The following BAIAP2L1 variants were observed in gnomAD, a reference collection of about 807,000 sequenced individuals.
BAIAP2L1 encodes BAR/IMD domain containing adaptor protein 2 like 1.
A neutral mutation model predicts 66.3 loss-of-function variants in BAIAP2L1; 35 were observed. That is an observed-to-expected ratio of 0.53 (90% CI 0.40 to 0.70). BAIAP2L1 has a LOEUF of 0.70. Ranked by LOEUF, BAIAP2L1 falls within the 30% of genes least tolerant of loss-of-function variation. The pLI is 0.00. For synonymous variants in BAIAP2L1, 269 were observed against 248.7 expected, an observed-to-expected ratio of 1.08 and a Z score of -0.77; for missense variants, 622 against 656.9, an observed-to-expected ratio of 0.95 and a Z score of 0.58.
In BAIAP2L1 at chr7:98,304,502, TCA is replaced by T. The variant is rs113102084; in HGVS notation, c.1242-128_1242-127del. 2.7e-3 allele frequency: 2,528 copies of T among 948,562 alleles called. 56 individuals are homozygous for T. In the African/African-American group the frequency reaches 0.036, roughly 14 times the overall value. 58.8% of individuals were successfully genotyped at this position (948,562 alleles called of 1,614,324 possible). ...CACCAATCAAAACCTGATCTTGATC[TCA>T]CACACACAGACACACACAGTACATA... is the stretch of plus-strand genomic sequence containing the variant. On this transcript the variant is annotated intron_variant, in intron 11 of 13. Transcript: ENST00000005260.
chr7:98,372,150 T>G (rs1421293962), intron 1 of BAIAP2L1, among the ~76,000 whole-genome samples: 1 of 151,220 alleles, frequency 6.6e-6, no homozygotes, highest in Non-Finnish European at 1.5e-5. Flanking sequence ...CTCACGTCTG[T>G]AAGCCCAGCA....
Position 98,292,575 on chromosome 7 carries a change from A to G in BAIAP2L1, c.*946T>C. The stretch of plus-strand genomic sequence containing the variant: ...CAGCCAGTGCGTAGTCCTCACATCC[A>G]TACCATAGGGCCAGGTTCCGAGGGC... On this transcript the variant is annotated 3_prime_UTR_variant, in exon 14 of 14. Coordinates refer to ENST00000005260, the MANE Select transcript of BAIAP2L1 (RefSeq NM_018842.5). 2.0e-6 allele frequency: 3 copies of G among 1,486,370 alleles called. No homozygotes were observed. Among genetic ancestry groups the G allele is most frequent in the Non-Finnish European group, 2.8e-6 (3 of 1,087,774 alleles). The allele number at this position is 1,486,370 out of a possible 1,614,324, so 92.1% of individuals were successfully genotyped here. A position where few individuals can be genotyped will look rare whatever the true frequency, so the allele number is the denominator to read the frequency against.
rs768990780 is a variant in BAIAP2L1 at position 98,306,490 on chromosome 7, G to T, written c.1190C>A (p.Thr397Lys). ...KARGWFPSSY[T>K]KLLEENETEA... Reference sequence around the variant, plus strand: ...TGTCTCATTTTCTTCCAGCAACTTCGTGTACGACGACGGGAACCAACCCCT... The same window carrying T: ...TGTCTCATTTTCTTCCAGCAACTTCTTGTACGACGACGGGAACCAACCCCT... The change falls in exon 11 of 14, where the codon ACG becomes AAG. Residue 397 changes from threonine (T) to lysine (K), a missense_variant. Transcript: ENST00000005260. 1 of 1,614,100 alleles carries T rather than the reference G, an allele frequency of 6.2e-7. No individual in the cohort carries two copies. Among genetic ancestry groups the T allele is most frequent in the Non-Finnish European group, 8.5e-7 (1 of 1,180,034 alleles).
At chr7:98,346,717 G>A (rs1801878993) in intron 3 of BAIAP2L1, among the ~76,000 whole-genome samples, 1 of 152,188 alleles carries the variant, frequency 6.6e-6, no homozygotes. Flanking sequence ...TTGTCTCCCA[G>A]TGATAACCCA....
intron 1 of BAIAP2L1, among the ~76,000 whole-genome samples, chr7:98,393,808 A>G (rs1245786596): frequency 7.0e-6 from 1 of 142,254 alleles, no homozygotes; most frequent in East Asian, 2.4e-4. Context: ...TTGAAAATGT[A>G]CCTACTTTGG....
intron 3 of BAIAP2L1, among the ~76,000 whole-genome samples, chr7:98,342,129 G>A (rs1290251895): frequency 2.1e-5 from 3 of 140,698 alleles, no homozygotes; most frequent in African/African-American, 8.0e-5. Flanking sequence ...ATGGCTCACT[G>A]CAACCTCCGC....
chr7:98,381,862 A>G (rs1477901449), intron 1 of BAIAP2L1, among the ~76,000 whole-genome samples: 1 of 152,068 alleles, frequency 6.6e-6, no homozygotes, highest in Non-Finnish European at 1.5e-5. Flanking sequence ...GGACAAAAGT[A>G]TCAAGCCCGT....
chr7:98,368,754 C>T (rs550308458), intron 1 of BAIAP2L1, among the ~76,000 whole-genome samples: 1 of 152,124 alleles, frequency 6.6e-6, no homozygotes, highest in South Asian at 2.1e-4. Flanking sequence ...TTTCACCCAG[C>T]ACAATGCCTT....
intron 3 of BAIAP2L1, among the ~76,000 whole-genome samples, chr7:98,343,939 G>A (rs2115647116): frequency 6.6e-6 from 1 of 152,320 alleles, no homozygotes. Context: ...CCAGCACTTT[G>A]GGAGGCCGAG....
intron 3 of BAIAP2L1, among the ~76,000 whole-genome samples, chr7:98,334,951 C>T (rs1393673308): frequency 1.3e-5 from 2 of 149,282 alleles, no homozygotes; most frequent in Non-Finnish European, 3.0e-5. Flanking sequence ...AGATCGAGAC[C>T]ATCCTGGCTA....
intron 8 of BAIAP2L1, 46 bp downstream of exon 8, chr7:98,312,051 T>G: frequency 6.5e-7 from 1 of 1,541,222 alleles, no homozygotes; most frequent in South Asian, 1.3e-5. Context: ...CCAGATCAAG[T>G]TAGGAAACAC....
Position 98,292,909 on chromosome 7 carries a change from T to C in BAIAP2L1, c.*612A>G. ...CGTCGAGTGCTACGTGTGGCTGTGA[T>C]AAGGGCAGGCAAAGCGTCTTAGCAC... On this transcript the variant is annotated 3_prime_UTR_variant, in exon 14 of 14. Coordinates refer to ENST00000005260, the MANE Select transcript of BAIAP2L1 (RefSeq NM_018842.5). The C allele has an allele frequency of 7.1e-7, 1 of 1,409,370 alleles. No homozygotes were observed. The highest frequency in any genetic ancestry group is 2.6e-5 in the East Asian group (1 of 38,086). 87.3% of individuals were successfully genotyped at this position (1,409,370 alleles called of 1,614,324 possible). A position where few individuals can be genotyped will look rare whatever the true frequency, so the allele number is the denominator to read the frequency against.
chr7:98,306,293 C>T, intron 11 of BAIAP2L1, 146 bp downstream of exon 11: 1 of 981,732 alleles, frequency 1.0e-6, no homozygotes, highest in Non-Finnish European at 1.6e-6. Flanking sequence ...GCAGACAGCA[C>T]TGTGAGCCGC....
At chr7:98,304,399 C>T (rs1275962682) in intron 11 of BAIAP2L1, 23 bp from the exon 12 acceptor site, 1 of 1,612,334 alleles carries the variant, frequency 6.2e-7, no homozygotes, top group Admixed American at 1.7e-5. Flanking sequence ...AAGGACACAG[C>T]ACGTGTTAGA....
chr7:98,356,529 T>C (rs919834820), intron 2 of BAIAP2L1, among the ~76,000 whole-genome samples: 7 of 151,738 alleles, frequency 4.6e-5, no homozygotes, highest in African/African-American at 1.7e-4. Context: ...CAGAGTCTTG[T>C]TCTTTCACCC....
intron 1 of BAIAP2L1, among the ~76,000 whole-genome samples, chr7:98,397,664 G>A (rs943085513): frequency 6.6e-6 from 1 of 152,048 alleles, no homozygotes; most frequent in Non-Finnish European, 1.5e-5. Context: ...GGAAGGCTGT[G>A]GCTGCTCTTA....
In BAIAP2L1 at chr7:98,307,793, G is replaced by A. The variant is rs574975082; in HGVS notation, c.1059C>T (p.Gly353=). Residue 353 remains glycine, a synonymous_variant, in exon 10 of 14, where the codon GGC becomes GGT. Coordinates refer to ENST00000005260, the MANE Select transcript of BAIAP2L1 (RefSeq NM_018842.5). The part of the protein sequence containing the change: ...KVKTIFPHTA[G]SNKTLLSFAQ... ...CAAAGCTGAGTAAGGTCTTGTTGGA[G>A]CCCGCAGTGTGCGGGAAGATGGTCT... 4.5e-5 allele frequency: 72 copies of A among 1,614,138 alleles called. 1 individual carries two copies. The South Asian group carries it at 7.6e-4, about 17-fold the overall frequency.
chr7:98,349,653 A>G (rs1477291648), intron 3 of BAIAP2L1, among the ~76,000 whole-genome samples: 1 of 151,026 alleles, frequency 6.6e-6, no homozygotes, highest in East Asian at 2.0e-4. Context: ...CAGGTGGATT[A>G]CCTTAAGTCA....
At chr7:98,326,767 C>A (rs1033244283) in intron 3 of BAIAP2L1, among the ~76,000 whole-genome samples, 2 of 151,740 alleles carry the variant, frequency 1.3e-5, no homozygotes, top group Non-Finnish European at 2.9e-5. Flanking sequence ...CTTGTCTGGA[C>A]AAAAATCATC....
Sources: allele counts gnomAD v4.1 joint callset (sites outside exome capture counted in the v4.1 genomes callset), GRCh38; gene constraint gnomAD v4.1.1; transcripts MANE v1.5; gene names NCBI Gene and HGNC (gene_info 2026-07-23, HGNC 2026-07-21).